The following VEGFC variants were observed in gnomAD, a reference collection of about 807,000 sequenced individuals.
The protein encoded by VEGFC is vascular endothelial growth factor C.
In VEGFC, 12 loss-of-function variants were observed where a neutral mutation model predicts 46.1. That is an observed-to-expected ratio of 0.26 (90% CI 0.17 to 0.42). The LOEUF (loss-of-function observed/expected upper bound fraction) is 0.42, where lower values mean the gene tolerates loss of function less well. Among genes scored for constraint, VEGFC ranks in the 10% least tolerant of loss-of-function variants. The pLI is 1.00. For missense variants in VEGFC, 488 were observed against 529.4 expected, an observed-to-expected ratio of 0.92 and a Z score of 0.77; for synonymous variants, 232 against 195.5, an observed-to-expected ratio of 1.19 and a Z score of -1.56.
intron 1 of VEGFC, among the ~76,000 whole-genome samples, chr4:176,743,663 A>G (rs1456990863): frequency 6.6e-6 from 1 of 151,328 alleles, no homozygotes; most frequent in African/African-American, 2.4e-5. Context: ...ATAGCAGATA[A>G]TTGGCTTAAA....
chr4:176,763,858 T>C (rs1223350909), intron 1 of VEGFC, among the ~76,000 whole-genome samples: 2 of 152,198 alleles, frequency 1.3e-5, no homozygotes, highest in African/African-American at 4.8e-5. Flanking sequence ...AAAGGTCTTT[T>C]TTTTTCTGAT....
chr4:176,792,432 C>A lies in VEGFC; in HGVS notation c.-121G>T, dbSNP rs866447824. ...CTCCCCCGGGCTCCTCCCGGCGACC[C>A]CCCCTGGGCGAGCCGGAGGCGGCGG... On this transcript the variant is annotated 5_prime_UTR_variant, in exon 1 of 7. Transcript: ENST00000618562. The surrounding 1 kb of genome is among the most constrained non-coding windows in gnomAD (Gnocchi z 6.3). 5 of 750,690 alleles carry A rather than the reference C, an allele frequency of 6.7e-6. No homozygotes were observed. The highest frequency in any genetic ancestry group is 4.3e-4 in the Middle Eastern group (1 of 2,318). 46.5% of individuals were successfully genotyped at this position (750,690 alleles called of 1,614,324 possible). A position where few individuals can be genotyped will look rare whatever the true frequency, so the allele number is the denominator to read the frequency against.
At position 176,734,521 on chromosome 4, in the gene VEGFC, G is replaced by A. The variant is rs1374847953; in HGVS notation, c.148-4775C>T. On this transcript the variant is annotated intron_variant, in intron 1 of 6. Transcript: ENST00000618562. ...TATCTTTAGACTAAGAAATATACGCGAGAATTTCTAAAACAAATAACGTTC... is the reference window on the plus strand; with the variant it reads ...TATCTTTAGACTAAGAAATATACGCAAGAATTTCTAAAACAAATAACGTTC... Among the ~76,000 whole-genome samples the A allele has an allele frequency of 7.9e-5, 12 of 151,726 alleles. No homozygotes were observed. In the East Asian group the frequency reaches 1.9e-3, roughly 24 times the overall value.
chr4:176,738,670 A>G (rs2111028282), intron 1 of VEGFC, among the ~76,000 whole-genome samples: 1 of 152,216 alleles, frequency 6.6e-6, no homozygotes, highest in African/African-American at 2.4e-5. Flanking sequence ...AGACGCCAAA[A>G]GCGATTGCAA....
intron 3 of VEGFC, among the ~76,000 whole-genome samples, chr4:176,717,773 T>C (rs909591635): frequency 6.6e-5 from 10 of 152,064 alleles, no homozygotes; most frequent in Non-Finnish European, 1.5e-4. Flanking sequence ...CAGAAGAATA[T>C]GATTAATAAC....
intron 1 of VEGFC, among the ~76,000 whole-genome samples, chr4:176,749,404 T>C: frequency 6.6e-6 from 1 of 152,074 alleles, no homozygotes; most frequent in South Asian, 2.1e-4. Flanking sequence ...TCATTCCAAG[T>C]TATTTAATAT....
At chr4:176,687,986 C>G (rs1046176159) in intron 4 of VEGFC, 59 bp from the exon 5 acceptor site, 1 of 889,622 alleles carries the variant, frequency 1.1e-6, no homozygotes, top group African/African-American at 1.7e-5. Flanking sequence ...AAGGGACCAT[C>G]TCTGCTCACA....
At chr4:176,776,888 T>G (rs1416611219) in intron 1 of VEGFC, among the ~76,000 whole-genome samples, 1 of 152,244 alleles carries the variant, frequency 6.6e-6, no homozygotes, top group Non-Finnish European at 1.5e-5. Flanking sequence ...ATATTTATAG[T>G]TATTCCATTA....
chr4:176,726,730 T>A (rs1380945891), intron 3 of VEGFC, among the ~76,000 whole-genome samples: 1 of 152,224 alleles, frequency 6.6e-6, no homozygotes, highest in Non-Finnish European at 1.5e-5. Flanking sequence ...TAATACTATA[T>A]TGAAATAAGA....
intron 1 of VEGFC, among the ~76,000 whole-genome samples, chr4:176,760,234 G>A (rs894355672): frequency 6.6e-5 from 10 of 152,072 alleles, no homozygotes; most frequent in Admixed American, 5.9e-4. Context: ...TATATTTTAA[G>A]ATATTTATGC....
At chr4:176,709,756 C>T (rs902743038) in intron 4 of VEGFC, among the ~76,000 whole-genome samples, 1 of 152,178 alleles carries the variant, frequency 6.6e-6, no homozygotes, top group Admixed American at 6.6e-5. Context: ...CTGAAAGTCA[C>T]TGTTTCTGGT....
In VEGFC at chr4:176,775,254, G is replaced by GA. The variant is rs1053746552; in HGVS notation, c.147+16910dup. ...TCCAGCTCTAGAATTTTACAACTGA[G>GA]AAAAAAAAAGTAATGAAAGAGAAAT... On this transcript the variant is annotated intron_variant, in intron 1 of 6. Transcript: ENST00000618562. 1.6e-3 allele frequency among the ~76,000 whole-genome samples: 242 copies of GA among 149,474 alleles called. 1 individual carries two copies. Among genetic ancestry groups the GA allele is most frequent in the African/African-American group, 5.7e-3 (233 of 40,774 alleles).
chr4:176,769,917 T>C (rs372076682), intron 1 of VEGFC, among the ~76,000 whole-genome samples: 37 of 152,242 alleles, frequency 2.4e-4, no homozygotes, highest in African/African-American at 8.9e-4. Flanking sequence ...TTAAAGAAGG[T>C]TAATCTGAAT....
chr4:176,763,701 T>G (rs898928887), intron 1 of VEGFC, among the ~76,000 whole-genome samples: 6 of 152,212 alleles, frequency 3.9e-5, no homozygotes, highest in Non-Finnish European at 8.8e-5. Context: ...TATTACTACT[T>G]TCAGAAATGC....
intron 1 of VEGFC, among the ~76,000 whole-genome samples, chr4:176,760,262 C>A (rs1208240848): frequency 6.6e-6 from 1 of 152,054 alleles, no homozygotes; most frequent in Non-Finnish European, 1.5e-5. Flanking sequence ...AAATTACCTA[C>A]AAAGATCTTA....
chr4:176,705,355 AAAT>A (rs1411585477), intron 4 of VEGFC, among the ~76,000 whole-genome samples: 1 of 152,152 alleles, frequency 6.6e-6, no homozygotes, highest in African/African-American at 2.4e-5. Context: ...TAATTGGAAA[AAAT>A]AATCTGTGAG....
At chr4:176,759,255 A>G (rs999646837) in intron 1 of VEGFC, among the ~76,000 whole-genome samples, 2 of 152,132 alleles carry the variant, frequency 1.3e-5, no homozygotes, top group African/African-American at 4.8e-5. Flanking sequence ...TATTTGGGAC[A>G]GTGGGGGGAA....
At chr4:176,697,389 C>T (rs1256714045) in intron 4 of VEGFC, among the ~76,000 whole-genome samples, 2 of 152,200 alleles carry the variant, frequency 1.3e-5, no homozygotes, top group African/African-American at 2.4e-5. Flanking sequence ...AAAAAATGCT[C>T]ACCATCACTG....
At chr4:176,689,754 CAA>C (rs1238586523) in intron 4 of VEGFC, 1 of 152,130 alleles carries the variant, frequency 6.6e-6, no homozygotes, top group Non-Finnish European at 1.5e-5. Context: ...TGCTATACCA[CAA>C]AGTGACAATT....
Sources: gnomAD v4.1 joint callset for allele counts (sites outside exome capture counted in the v4.1 genomes callset) on GRCh38, gnomAD v4.1.1 for gene constraint, Gnocchi (gnomAD v3.1) non-coding constraint, MANE v1.5 for transcripts, NCBI Gene and HGNC (gene_info 2026-07-23, HGNC 2026-07-21) for gene names.